ZYX: variants seen among roughly 807,000 people sequenced by gnomAD.
The protein encoded by ZYX is zyxin.
ZYX carries 37 observed loss-of-function variants against 58.1 expected under a neutral mutation model. That is an observed-to-expected ratio of 0.64 (90% confidence interval 0.49 to 0.84). The LOEUF (loss-of-function observed/expected upper bound fraction) is 0.84, where lower values mean the gene tolerates loss of function less well. Among genes scored for constraint, ZYX ranks in the 40% least tolerant of loss-of-function variants. The pLI is 0.00. For synonymous variants in ZYX, 324 were observed against 321.1 expected, an observed-to-expected ratio of 1.01 and a Z score of -0.10; for missense variants, 762 against 761.6, an observed-to-expected ratio of 1.00 and a Z score of -0.01.
At position 143,382,362 on chromosome 7, in the gene ZYX, C is replaced by T. The variant is rs780860006; in HGVS notation, c.323C>T (p.Pro108Leu). 7.6e-5 allele frequency: 122 copies of T among 1,597,132 alleles called. No individual in the cohort carries two copies. The highest frequency in any genetic ancestry group is 9.7e-5 in the Non-Finnish European group (114 of 1,170,964). ...PPIEESFPPA[P>L]LEEEIFPSPP... ...ATCGAGGAATCATTTCCCCCTGCGCCTCTGGAGGAGGAGATCTTCCCTTCC... is the reference window on the plus strand; with the variant it reads ...ATCGAGGAATCATTTCCCCCTGCGCTTCTGGAGGAGGAGATCTTCCCTTCC... The change falls in exon 3 of 10, where the codon CCT (proline) becomes CTT (leucine). Residue 108 changes from proline to leucine, a missense_variant. Transcript: ENST00000322764.
At position 143,384,858 on chromosome 7, in the gene ZYX, C is replaced by T. The variant is rs1804798364; in HGVS notation, c.1023+1536C>T. Among the ~76,000 whole-genome samples the T allele has an allele frequency of 6.6e-6, 1 of 152,072 alleles. No individual in the cohort carries two copies. Among genetic ancestry groups the T allele is most frequent in the Non-Finnish European group, 1.5e-5 (1 of 68,018 alleles). On this transcript the variant is annotated intron_variant, in intron 5 of 9. Coordinates refer to ENST00000322764, the MANE Select transcript of ZYX (RefSeq NM_003461.5). This position sits in a 1 kb window ranked among gnomAD's most constrained non-coding sequence, Gnocchi z 4.9. ...GGTTTGGACGGGAAGAGGAGGGGTC[C>T]AGCTGTCAACGTTTTGAGCAACAGG...
intron 5 of ZYX, 94 bp downstream of exon 5, chr7:143,383,416 C>G (rs1055652730): frequency 7.0e-7 from 1 of 1,429,460 alleles, no homozygotes; most frequent in Non-Finnish European, 9.2e-7. Flanking sequence ...ATTGGAGAGT[C>G]AGGGTGGACA....
Position 143,387,827 on chromosome 7 carries a change from CCT to C in ZYX, c.1024-391_1024-390del, listed in dbSNP as rs958457011. 26 of 479,524 alleles carry C rather than the reference CCT, an allele frequency of 5.4e-5. No individual in the cohort carries two copies. Among genetic ancestry groups the C allele is most frequent in the African/African-American group, 1.4e-4 (7 of 50,574 alleles). 29.7% of individuals were successfully genotyped at this position (479,524 alleles called of 1,614,324 possible). On this transcript the variant is annotated intron_variant, in intron 5 of 9. Coordinates refer to ENST00000322764, the MANE Select transcript of ZYX (RefSeq NM_003461.5). The surrounding 1 kb of genome is among the most constrained non-coding windows in gnomAD (Gnocchi z 5.8). ...GCGTGTGTGCACGCCATTGCGTGCC[CCT>C]GTCCCATGGGGGCGATGTCCGAGCA...
chr7:143,385,492 A>C (rs931951117), intron 5 of ZYX, among the ~76,000 whole-genome samples: 1 of 150,824 alleles, frequency 6.6e-6, no homozygotes, highest in East Asian at 1.9e-4. Flanking sequence ...ATATGAGTAC[A>C]TGTGTGCATG....
At position 143,387,503 on chromosome 7, in the gene ZYX, A is replaced by AG. The variant is rs1317820846; in HGVS notation, c.1024-713dup. 6.6e-6 allele frequency among the ~76,000 whole-genome samples: 1 copy of AG among 152,106 alleles called. No homozygotes were observed. Among genetic ancestry groups the AG allele is most frequent in the African/African-American group, 2.4e-5 (1 of 41,416 alleles). ...CCCGGAGTTCTCAGGGTTACCTCTC[A>AG]GGGTTACTGGCAGCGCTGTCCTTAA... On this transcript the variant is annotated intron_variant, in intron 5 of 9. Coordinates refer to ENST00000322764, the MANE Select transcript of ZYX (RefSeq NM_003461.5). The surrounding 1 kb of genome is among the most constrained non-coding windows in gnomAD (Gnocchi z 5.8).
At chr7:143,386,826 T>C (rs1804882162) in intron 5 of ZYX, among the ~76,000 whole-genome samples, 1 of 152,130 alleles carries the variant, frequency 6.6e-6, no homozygotes, top group Admixed American at 6.5e-5. Context: ...GTCAAGGATG[T>C]CCCATGATGG....
intron 5 of ZYX, among the ~76,000 whole-genome samples, chr7:143,383,559 C>G (rs982109285): frequency 6.6e-6 from 1 of 151,900 alleles, no homozygotes; most frequent in African/African-American, 2.4e-5. Context: ...GCTGGGACGG[C>G]GCAGAGAGCA....
At position 143,387,247 on chromosome 7, in the gene ZYX, G is replaced by C. The variant is rs1361993369; in HGVS notation, c.1024-972G>C. Among the ~76,000 whole-genome samples, 1 of 152,126 alleles carries C rather than the reference G, an allele frequency of 6.6e-6. No individual in the cohort carries two copies. Among genetic ancestry groups the C allele is most frequent in the East Asian group, 1.9e-4 (1 of 5,178 alleles). ...CAACTCTGGGTACAGATGGGGGTCG[G>C]GGTGAGGGGCAGTGAAGCCAGGGCT... On this transcript the variant is annotated intron_variant, in intron 5 of 9. Transcript: ENST00000322764. This position sits in a 1 kb window ranked among gnomAD's most constrained non-coding sequence, Gnocchi z 5.8.
At position 143,390,284 on chromosome 7, in the gene ZYX, A is replaced by G; in HGVS notation, c.1615-294A>G. On this transcript the variant is annotated intron_variant, in intron 9 of 9. Transcript: ENST00000322764. The surrounding 1 kb of genome is among the most constrained non-coding windows in gnomAD (Gnocchi z 4.3). ...ATGGGGAAACAGGAGCTGAGAGAAG[A>G]GGTCTTCGAATGGAGGTGAGCCAAC... The G allele has an allele frequency of 1.8e-6, 1 of 546,444 alleles. No individual in the cohort carries two copies. Among genetic ancestry groups the G allele is most frequent in the Non-Finnish European group, 3.3e-6 (1 of 303,798 alleles). 33.8% of individuals were successfully genotyped at this position (546,444 alleles called of 1,614,324 possible). A position where few individuals can be genotyped will look rare whatever the true frequency, so the allele number is the denominator to read the frequency against.
In ZYX at chr7:143,382,594, C is replaced by T. The variant is rs1489983890; in HGVS notation, c.410C>T (p.Pro137Leu). 6.2e-7 allele frequency: 1 copy of T among 1,613,880 alleles called. No individual in the cohort carries two copies. The highest frequency in any genetic ancestry group is 8.5e-7 in the Non-Finnish European group (1 of 1,179,910). Residue 137 changes from proline (P) to leucine (L), a missense_variant and splice_region_variant, in exon 4 of 10, where the codon CCC becomes CTC. By Grantham distance (98) the Pro-to-Leu change is moderately conservative (BLOSUM62 -3). Transcript: ENST00000322764. ...GTGCTCTGACCTCTGACCCTCTAGC[C>T]CAGGGAGAAGGTGAGCAGTATTGAT... ...PEAPIPPPPQ[P>L]REKVSSIDLE...
At position 143,381,749 on chromosome 7, in the gene ZYX, G is replaced by A. The variant is rs576083969; in HGVS notation, c.178G>A (p.Val60Met). 4.4e-4 allele frequency: 697 copies of A among 1,588,398 alleles called. 5 individuals carry two copies. In the South Asian group the frequency reaches 6.3e-3, roughly 14 times the overall value. The change falls in exon 2 of 10, where the codon GTG (valine) becomes ATG (methionine). Residue 60 changes from valine to methionine, a missense_variant. Val to Met is a conservative substitution (Grantham distance 21). Coordinates refer to ENST00000322764, the MANE Select transcript of ZYX (RefSeq NM_003461.5). ...PGAQRAQMGR[V>M]GEIPPPPPED... ...GGCCCAGCGCGCACAGATGGGCCGG[G>A]TGGGCGAGATTCCCCCGCCGCCCCC...
chr7:143,390,651 G>C lies in ZYX; in HGVS notation c.1688G>C (p.Arg563Pro), dbSNP rs149835123. Residue 563 changes from arginine to proline, a missense_variant, in exon 10 of 10, where the codon CGG becomes CCG. Arg to Pro is a moderately radical substitution (Grantham distance 103). Transcript: ENST00000322764. The surrounding 1 kb of genome is among the most constrained non-coding windows in gnomAD (Gnocchi z 4.3). ...CFPLDGHVLC[R>P]KCHTARAQT ...CCCCTGGACGGTCACGTGCTCTGTCGGAAGTGCCACACTGCTAGAGCCCAG... is the reference window on the plus strand; with the variant it reads ...CCCCTGGACGGTCACGTGCTCTGTCCGAAGTGCCACACTGCTAGAGCCCAG... The C allele has an allele frequency of 6.3e-7, 1 of 1,587,098 alleles. No homozygotes were observed. The highest frequency in any genetic ancestry group is 8.6e-7 in the Non-Finnish European group (1 of 1,166,764).
chr7:143,390,143 C>T lies in ZYX; in HGVS notation c.1614+166C>T. ...TCTGTCCTGCCAGAATGCTTCCTGC[C>T]ACTGCAGGAAATGGGGCTGTGGGGC... is the stretch of plus-strand genomic sequence containing the variant. On this transcript the variant is annotated intron_variant, in intron 9 of 9. Transcript: ENST00000322764. The surrounding 1 kb of genome is among the most constrained non-coding windows in gnomAD (Gnocchi z 4.3). 1 of 936,296 alleles carries T rather than the reference C, an allele frequency of 1.1e-6. No individual in the cohort carries two copies. 58.0% of individuals were successfully genotyped at this position (936,296 alleles called of 1,614,324 possible).
chr7:143,382,108 C>G (rs1033087074), intron 2 of ZYX, 140 bp from the exon 3 acceptor site: 56 of 649,138 alleles, frequency 8.6e-5, no homozygotes, highest in Middle Eastern at 7.2e-4. Context: ...CCAGGGCGCC[C>G]TGCGCCCCTC....
intron 5 of ZYX, among the ~76,000 whole-genome samples, chr7:143,386,485 G>A (rs1804871804): frequency 6.6e-6 from 1 of 152,056 alleles, no homozygotes. Flanking sequence ...AGGTCGCGCG[G>A]GTGCTGCAGT....
In ZYX at chr7:143,388,685, T is replaced by C. The variant is rs755109421; in HGVS notation, c.1314+27T>C. On this transcript the variant is annotated intron_variant, in intron 7 of 9. Coordinates refer to ENST00000322764, the MANE Select transcript of ZYX (RefSeq NM_003461.5). This position sits in a 1 kb window ranked among gnomAD's most constrained non-coding sequence, Gnocchi z 7.5. ...TGAGTCGGGCTGTGCTGGGCTGTGCTGGGCTGTGCTGGGCAGTCGGGCCCT... is the reference window on the plus strand; with the variant it reads ...TGAGTCGGGCTGTGCTGGGCTGTGCCGGGCTGTGCTGGGCAGTCGGGCCCT... The C allele has an allele frequency of 1.2e-6, 2 of 1,611,490 alleles. No homozygotes were observed. The highest frequency in any genetic ancestry group is 3.3e-5 in the Admixed American group (2 of 59,902).
Position 143,390,905 on chromosome 7 carries a change from C to T in ZYX, c.*223C>T. On this transcript the variant is annotated 3_prime_UTR_variant, in exon 10 of 10. Coordinates refer to ENST00000322764, the MANE Select transcript of ZYX (RefSeq NM_003461.5). This position sits in a 1 kb window ranked among gnomAD's most constrained non-coding sequence, Gnocchi z 4.3. The stretch of plus-strand genomic sequence containing the variant: ...TCGCCCATCCTGCAGGGATTGCCCA[C>T]CGTCTTCCAGACACCCCACCTGAGG... 1 of 538,286 alleles carries T rather than the reference C, an allele frequency of 1.9e-6. No individual in the cohort carries two copies. The highest frequency in any genetic ancestry group is 3.2e-5 in the East Asian group (1 of 31,598). The allele number at this position is 538,286 out of a possible 1,614,324, so 33.3% of individuals were successfully genotyped here.
chr7:143,382,078 C>T, intron 2 of ZYX, 170 bp from the exon 3 acceptor site: 2 of 632,846 alleles, frequency 3.2e-6, no homozygotes, highest in Non-Finnish European at 5.4e-6. Context: ...GTGCGCCCGG[C>T]CTTTCCTGAC....
chr7:143,387,972 T>G lies in ZYX; in HGVS notation c.1024-247T>G. The G allele has an allele frequency of 3.5e-6, 2 of 569,732 alleles. No individual in the cohort carries two copies. Among genetic ancestry groups the G allele is most frequent in the Non-Finnish European group, 3.3e-6 (1 of 304,148 alleles). 35.3% of individuals were successfully genotyped at this position (569,732 alleles called of 1,614,324 possible). On this transcript the variant is annotated intron_variant, in intron 5 of 9. Transcript: ENST00000322764. This position sits in a 1 kb window ranked among gnomAD's most constrained non-coding sequence, Gnocchi z 5.8. The stretch of plus-strand genomic sequence containing the variant: ...GGCCTGTCTGTGACTGCTCAGGGGG[T>G]TTGGGCAGAGTGGGTGGAAATGTCT...
Sources: gnomAD v4.1 joint callset for allele counts (sites outside exome capture counted in the v4.1 genomes callset) on GRCh38, gnomAD v4.1.1 for gene constraint, Gnocchi (gnomAD v3.1) non-coding constraint, MANE v1.5 for transcripts, NCBI Gene and HGNC (gene_info 2026-07-23, HGNC 2026-07-21) for gene names.